FBXL7: variants seen among roughly 807,000 people sequenced by gnomAD.
FBXL7 encodes F-box/LRR-repeat protein 7.
Under a neutral mutation model 38.3 loss-of-function variants are expected in FBXL7, and 12 were observed. The ratio of observed to expected loss-of-function variants is 0.31; its 90% CI spans 0.20 to 0.51. The LOEUF is 0.51. Among genes scored for constraint, FBXL7 ranks in the 20% least tolerant of loss-of-function variants. The pLI, the probability that FBXL7 is intolerant of heterozygous loss-of-function variation, is 0.98. For missense variants in FBXL7, 567 were observed against 676.4 expected, an observed-to-expected ratio of 0.84 and a Z score of 1.79; for synonymous variants, 297 against 300.9, an observed-to-expected ratio of 0.99 and a Z score of 0.13.
intron 1 of FBXL7, among the ~76,000 whole-genome samples, chr5:15,599,488 A>G (rs375477654): frequency 2.0e-5 from 3 of 152,250 alleles, no homozygotes; most frequent in East Asian, 3.9e-4. Context: ...CTTAGCTTTT[A>G]GGTCTTTTTG....
chr5:15,508,680 C>T (rs1271691026), intron 1 of FBXL7, among the ~76,000 whole-genome samples: 1 of 152,168 alleles, frequency 6.6e-6, no homozygotes, highest in East Asian at 1.9e-4. Flanking sequence ...GTTATTAGTT[C>T]TAAGTCATGC....
intron 1 of FBXL7, among the ~76,000 whole-genome samples, chr5:15,610,518 A>G (rs1256391830): frequency 1.3e-5 from 2 of 152,198 alleles, no homozygotes; most frequent in Non-Finnish European, 2.9e-5. Flanking sequence ...CATGCTGCAG[A>G]CTTCAGCTGA....
At chr5:15,560,780 G>A (rs773702590) in intron 1 of FBXL7, among the ~76,000 whole-genome samples, 14 of 151,962 alleles carry the variant, frequency 9.2e-5, no homozygotes, top group Non-Finnish European at 1.6e-4. Flanking sequence ...CATTGTCCCC[G>A]CTGGGATGTC....
At chr5:15,804,168 T>C (rs1307356757) in intron 2 of FBXL7, among the ~76,000 whole-genome samples, 1 of 152,178 alleles carries the variant, frequency 6.6e-6, no homozygotes, top group Non-Finnish European at 1.5e-5. Flanking sequence ...CTTATTCTAC[T>C]TCTCCACATT....
At chr5:15,712,341 T>C (rs572854448) in intron 2 of FBXL7, among the ~76,000 whole-genome samples, 1 of 107,686 alleles carries the variant, frequency 9.3e-6, no homozygotes, top group African/African-American at 3.4e-5. Flanking sequence ...ATGCTGACAA[T>C]TTAAAATAGT....
intron 2 of FBXL7, among the ~76,000 whole-genome samples, chr5:15,690,064 C>G (rs6892414): frequency 0.69 from 104,557 of 152,126 alleles, 36,262 homozygotes; most frequent in South Asian, 0.79. Flanking sequence ...TGTTGAGAAC[C>G]ACTGGTGTAA....
intron 2 of FBXL7, among the ~76,000 whole-genome samples, chr5:15,708,642 A>G (rs1449155671): frequency 6.6e-6 from 1 of 152,210 alleles, no homozygotes; most frequent in African/African-American, 2.4e-5. Flanking sequence ...TCTCTGAGAC[A>G]TTATCCTCAG....
intron 1 of FBXL7, among the ~76,000 whole-genome samples, chr5:15,560,665 C>T (rs187649692): frequency 6.6e-6 from 1 of 152,136 alleles, no homozygotes; most frequent in Non-Finnish European, 1.5e-5. Flanking sequence ...GCCCGTGACC[C>T]AGCTTAAAGA....
At chr5:15,584,531 G>A (rs749320949) in intron 1 of FBXL7, among the ~76,000 whole-genome samples, 1 of 152,104 alleles carries the variant, frequency 6.6e-6, no homozygotes, top group Non-Finnish European at 1.5e-5. Context: ...CTTCATCTGA[G>A]ACCACCTCAG....
chr5:15,827,401 A>C (rs1375459206), intron 2 of FBXL7, among the ~76,000 whole-genome samples: 1 of 152,216 alleles, frequency 6.6e-6, no homozygotes, highest in Admixed American at 6.5e-5. Flanking sequence ...ATGTCAAACA[A>C]ATAGCAGGTC....
At chr5:15,819,535 A>C (rs1738113616) in intron 2 of FBXL7, among the ~76,000 whole-genome samples, 1 of 152,216 alleles carries the variant, frequency 6.6e-6, no homozygotes, top group Non-Finnish European at 1.5e-5. Context: ...AGACAAAATG[A>C]AAGAATACCT....
intron 2 of FBXL7, among the ~76,000 whole-genome samples, chr5:15,925,943 C>T (rs553538748): frequency 4.6e-5 from 7 of 152,244 alleles, no homozygotes; most frequent in Non-Finnish European, 7.4e-5. Flanking sequence ...CAATAAGTCA[C>T]GTGAGATATT....
chr5:15,815,411 T>C (rs768957780), intron 2 of FBXL7, among the ~76,000 whole-genome samples: 9 of 152,186 alleles, frequency 5.9e-5, no homozygotes, highest in Non-Finnish European at 1.0e-4. Flanking sequence ...ATTAGTGCCT[T>C]TAATAATGAT....
chr5:15,804,277 G>A (rs1232066286), intron 2 of FBXL7, among the ~76,000 whole-genome samples: 5 of 151,968 alleles, frequency 3.3e-5, no homozygotes, highest in Non-Finnish European at 7.4e-5. Flanking sequence ...AGACCAGCCT[G>A]GACAACACAG....
At chr5:15,895,088 T>G (rs757301699) in intron 2 of FBXL7, among the ~76,000 whole-genome samples, 3 of 152,314 alleles carry the variant, frequency 2.0e-5, no homozygotes, top group Non-Finnish European at 4.4e-5. Context: ...TAAAATACCT[T>G]TGTCCTATCT....
intron 2 of FBXL7, among the ~76,000 whole-genome samples, chr5:15,887,567 C>T (rs1322513089): frequency 6.6e-6 from 1 of 152,206 alleles, no homozygotes; most frequent in Non-Finnish European, 1.5e-5. Flanking sequence ...CAAGGCATGT[C>T]TAACAAGTAT....
chr5:15,580,610 T>TA, intron 1 of FBXL7: 3 of 985,382 alleles, frequency 3.0e-6, no homozygotes, highest in Non-Finnish European at 3.6e-6. Flanking sequence ...CTTTCTTTTG[T>TA]AACAGGCAGA....
chr5:15,914,820 A>G (rs746684311), intron 2 of FBXL7, among the ~76,000 whole-genome samples: 7 of 152,222 alleles, frequency 4.6e-5, no homozygotes, highest in Admixed American at 1.3e-4. Flanking sequence ...CTGAATCCAT[A>G]TAAGACTCTG....
At chr5:15,687,823 C>T (rs1743062171) in intron 2 of FBXL7, among the ~76,000 whole-genome samples, 1 of 152,172 alleles carries the variant, frequency 6.6e-6, no homozygotes, top group South Asian at 2.1e-4. Context: ...GTATTTTTTG[C>T]ACAGACTGAA....
Sources: gnomAD v4.1 joint callset for allele counts (sites outside exome capture counted in the v4.1 genomes callset) on GRCh38, gnomAD v4.1.1 for gene constraint, MANE v1.5 for transcripts, NCBI Gene and HGNC (gene_info 2026-07-23, HGNC 2026-07-21) for gene names.